The following GGT7 variants were observed in gnomAD, a reference collection of about 807,000 sequenced individuals.
GGT7 encodes the protein gamma-glutamyltransferase 7.
A neutral mutation model predicts 69.2 loss-of-function variants in GGT7; 30 were observed. That is an observed-to-expected ratio of 0.43 (90% CI 0.32 to 0.59). GGT7 has a LOEUF of 0.59. Among genes scored for constraint, GGT7 ranks in the 20% least tolerant of loss-of-function variants. GGT7 has a pLI of 0.05. For missense variants in GGT7, 733 were observed against 901.1 expected, an observed-to-expected ratio of 0.81 and a Z score of 2.39; for synonymous variants, 388 against 391.8, an observed-to-expected ratio of 0.99 and a Z score of 0.12.
At chr20:34,857,303 A>T (rs1245603508) in intron 7 of GGT7, among the ~76,000 whole-genome samples, 1 of 152,196 alleles carries the variant, frequency 6.6e-6, no homozygotes. Flanking sequence ...CCTATGTAAA[A>T]GGAAGGTTTT....
rs149327276 is a variant in GGT7 at position 34,856,629 on chromosome 20, G to T, written c.1102+177C>A. ...AATACTTGGGGTAACTGACCCCACA[G>T]CTACTTTTCAGAAGGTGGGCTGACT... On this transcript the variant is annotated intron_variant, in intron 8 of 14. Coordinates refer to ENST00000336431, the MANE Select transcript of GGT7 (RefSeq NM_178026.3). Among the ~76,000 whole-genome samples the T allele has an allele frequency of 8.7e-3, 1,321 of 152,304 alleles. 14 individuals are homozygous for T. The highest frequency in any genetic ancestry group is 1.0e-2 in the Admixed American group (153 of 15,304).
chr20:34,856,816 GCC>G lies in GGT7; in HGVS notation c.1090_1091del (p.Gly364ArgfsTer9). On this transcript the variant is annotated frameshift_variant, in exon 8 of 15. Coordinates refer to ENST00000336431, the MANE Select transcript of GGT7 (RefSeq NM_178026.3). LOFTEE classifies it high-confidence loss of function. Reference protein sequence around the residue: ...YSALVEKPVCGVYRGHLVLSP... With the variant: ...YSALVEKPVCXVYRGHLVLSP... ...CGGGGGAGAGGTCACCTCTGTACACGCCACACACAGGCTTCTCCACAAGGGCG... is the reference window on the plus strand; with the variant it reads ...CGGGGGAGAGGTCACCTCTGTACACGACACACAGGCTTCTCCACAAGGGCG... 6.2e-7 allele frequency: 1 copy of G among 1,601,960 alleles called. No homozygotes were observed. Among genetic ancestry groups the G allele is most frequent in the Non-Finnish European group, 8.5e-7 (1 of 1,169,846 alleles).
rs935489734 is a variant in GGT7 at position 34,845,069 on chromosome 20, C to G, written c.*259G>C. The G allele has an allele frequency of 3.8e-6, 2 of 521,806 alleles. No homozygotes were observed. Among genetic ancestry groups the G allele is most frequent in the Non-Finnish European group, 6.9e-6 (2 of 291,130 alleles). 32.3% of individuals were successfully genotyped at this position (521,806 alleles called of 1,614,324 possible). ...TGACACACAGACAGATAGTCTGATTCCTCAAGGTCCTGCCTGCCTGGCTGT... is the reference window on the plus strand; with the variant it reads ...TGACACACAGACAGATAGTCTGATTGCTCAAGGTCCTGCCTGCCTGGCTGT... On this transcript the variant is annotated 3_prime_UTR_variant, in exon 15 of 15. Coordinates refer to ENST00000336431, the MANE Select transcript of GGT7 (RefSeq NM_178026.3).
intron 1 of GGT7, among the ~76,000 whole-genome samples, chr20:34,867,787 C>T (rs1291175147): frequency 6.6e-6 from 1 of 152,196 alleles, no homozygotes; most frequent in Non-Finnish European, 1.5e-5. Flanking sequence ...AAGCCTCCTT[C>T]CCATTGCTCC....
intron 8 of GGT7, among the ~76,000 whole-genome samples, chr20:34,855,789 C>CTGTGTGTGTG (rs3138662): frequency 1.1e-4 from 16 of 144,158 alleles, no homozygotes; most frequent in Admixed American, 4.1e-4. Context: ...TTTTTCTTTT[C>CTGTGTGTGTG]TGTGTGTGTG....
Position 34,860,052 on chromosome 20 carries a change from C to A in GGT7, c.744-10G>T, listed in dbSNP as rs772787544. ...TTGGGACCATGGCAGCCTGGGGGGG[C>A]CGGAGAGCAGGGGGTGGAGGAGGTC... is the stretch of plus-strand genomic sequence containing the variant. On this transcript the variant is annotated splice_polypyrimidine_tract_variant and intron_variant, in intron 5 of 14. Coordinates refer to ENST00000336431, the MANE Select transcript of GGT7 (RefSeq NM_178026.3). 1.4e-6 allele frequency: 2 copies of A among 1,478,944 alleles called. No individual in the cohort carries two copies. The highest frequency in any genetic ancestry group is 1.8e-6 in the Non-Finnish European group (2 of 1,098,234). The allele number at this position is 1,478,944 out of a possible 1,614,324, so 91.6% of individuals were successfully genotyped here.
intron 14 of GGT7, among the ~76,000 whole-genome samples, chr20:34,847,977 C>T (rs2079325950): frequency 3.3e-5 from 5 of 152,260 alleles, no homozygotes; most frequent in Middle Eastern, 6.8e-3. Flanking sequence ...CCTGTATTCT[C>T]AGCTACTCGG....
chr20:34,853,707 ATTTT>A (rs2079438676), intron 10 of GGT7, among the ~76,000 whole-genome samples: 1 of 152,168 alleles, frequency 6.6e-6, no homozygotes, highest in Non-Finnish European at 1.5e-5. Context: ...TACATGTATG[ATTTT>A]GTTTAGTCCT....
chr20:34,850,786 T>C (rs780160275), intron 13 of GGT7: 1 of 503,818 alleles, frequency 2.0e-6, no homozygotes, highest in African/African-American at 1.9e-5. Context: ...ACTCACCACC[T>C]GCCAAAATAG....
In GGT7 at chr20:34,854,409, G is replaced by C. The variant is rs545731278; in HGVS notation, c.1319+122C>G. On this transcript the variant is annotated intron_variant, in intron 10 of 14. Coordinates refer to ENST00000336431, the MANE Select transcript of GGT7 (RefSeq NM_178026.3). ...GCACCCAGTGTCACGTTGTGAGTTG[G>C]GGTTGAGCTGAAATTGACTTAGGAT... 9.8e-5 allele frequency: 62 copies of C among 631,962 alleles called. No individual in the cohort carries two copies. The East Asian group carries it at 1.5e-3, about 16-fold the overall frequency. The allele number at this position is 631,962 out of a possible 1,614,324, so 39.1% of individuals were successfully genotyped here.
At chr20:34,861,015 C>G (rs746681867) in intron 4 of GGT7, among the ~76,000 whole-genome samples, 1 of 152,176 alleles carries the variant, frequency 6.6e-6, no homozygotes, top group African/African-American at 2.4e-5. Context: ...CTTTTGCCAC[C>G]GCACTAAGTA....
Position 34,845,316 on chromosome 20 carries a change from C to T in GGT7, c.*12G>A. ...AAGTGGGGGAGCAGAGACCCCGCCC[C>T]ACCCCGCTGCTCTACAGGATGGTGG... On this transcript the variant is annotated 3_prime_UTR_variant, in exon 15 of 15. Transcript: ENST00000336431. 5.0e-6 allele frequency: 8 copies of T among 1,609,106 alleles called. No individual in the cohort carries two copies. The highest frequency in any genetic ancestry group is 6.8e-6 in the Non-Finnish European group (8 of 1,177,428).
Position 34,847,282 on chromosome 20 carries a change from T to TC in GGT7, c.1826-1792dup, listed in dbSNP as rs1383609200. ...CTCATCATCTCTTGCCTGGGCCATA[T>TC]CCCAGCTGCTTCTCATATTTCCCTG... On this transcript the variant is annotated intron_variant, in intron 14 of 14. Transcript: ENST00000336431. Among the ~76,000 whole-genome samples the TC allele has an allele frequency of 2.0e-5, 3 of 152,126 alleles. No individual in the cohort carries two copies. In the East Asian group the frequency reaches 5.8e-4, roughly 29 times the overall value.
chr20:34,860,545 G>A (rs546192864), intron 4 of GGT7, among the ~76,000 whole-genome samples: 1 of 152,060 alleles, frequency 6.6e-6, no homozygotes, highest in South Asian at 2.1e-4. Flanking sequence ...CCGTAGTTGG[G>A]GGATTTATAA....
chr20:34,854,230 C>A (rs1400662730), intron 10 of GGT7, among the ~76,000 whole-genome samples: 1 of 152,168 alleles, frequency 6.6e-6, no homozygotes, highest in Non-Finnish European at 1.5e-5. Context: ...AGCCACCGTG[C>A]CTGGCTTTTG....
chr20:34,872,568 G>A (rs2079797719), intron 1 of GGT7, 79 bp downstream of exon 1: 5 of 949,246 alleles, frequency 5.3e-6, no homozygotes, highest in Non-Finnish European at 5.9e-6. Context: ...AGATGGAGCT[G>A]GAGGTGGATG....
Position 34,863,234 on chromosome 20 carries a change from C to G in GGT7, c.405+79G>C. The G allele has an allele frequency of 9.0e-7, 1 of 1,116,474 alleles. No homozygotes were observed. Among genetic ancestry groups the G allele is most frequent in the Non-Finnish European group, 1.3e-6 (1 of 767,390 alleles). 69.2% of individuals were successfully genotyped at this position (1,116,474 alleles called of 1,614,324 possible). A position where few individuals can be genotyped will look rare whatever the true frequency, so the allele number is the denominator to read the frequency against. On this transcript the variant is annotated intron_variant, in intron 2 of 14. Transcript: ENST00000336431. This position sits in a 1 kb window ranked among gnomAD's most constrained non-coding sequence, Gnocchi z 4.4. Reference sequence around the variant, plus strand: ...CTCCCCTTCTACCACTCAGCCATTCCCCAGTTTCCACAGTTCCTCAAACAT... The same window carrying G: ...CTCCCCTTCTACCACTCAGCCATTCGCCAGTTTCCACAGTTCCTCAAACAT...
At chr20:34,853,192 A>C (rs1394408325) in intron 10 of GGT7, among the ~76,000 whole-genome samples, 1 of 151,868 alleles carries the variant, frequency 6.6e-6, no homozygotes, top group Non-Finnish European at 1.5e-5. Flanking sequence ...TGATCCACTC[A>C]CCTCGGCCTC....
chr20:34,855,174 A>G (rs1451807714), intron 8 of GGT7, among the ~76,000 whole-genome samples: 1 of 152,224 alleles, frequency 6.6e-6, no homozygotes, highest in Non-Finnish European at 1.5e-5. Flanking sequence ...ACTAAGGCTC[A>G]AGAGGGCTGT....
Sources: allele counts gnomAD v4.1 joint callset (sites outside exome capture counted in the v4.1 genomes callset), GRCh38; gene constraint gnomAD v4.1.1; non-coding constraint Gnocchi (gnomAD v3.1); transcripts MANE v1.5; gene names NCBI Gene and HGNC (gene_info 2026-07-23, HGNC 2026-07-21).